Variants in UTRN observed in about 807,000 individuals in gnomAD.
UTRN encodes dystrophin-related protein 1.
UTRN carries 283 observed loss-of-function variants against 463.9 expected under a neutral mutation model. The observed-to-expected ratio is 0.61, with a 90% CI of 0.55 to 0.67. The LOEUF (loss-of-function observed/expected upper bound fraction) is 0.67, where lower values mean the gene tolerates loss of function less well. Ranked by LOEUF, UTRN falls within the 30% of genes least tolerant of loss-of-function variation. The probability of loss-of-function intolerance (pLI) is 0.00; values close to 1 mark genes in which losing one functional copy is unlikely to be tolerated. For synonymous variants in UTRN, 1,442 were observed against 1,431.5 expected (o/e 1.01, Z -0.17); for missense variants, 3,922 against 4,084.3 (o/e 0.96, Z 1.08).
At chr6:144,688,456 G>T (rs1782977010) in intron 52 of UTRN, among the ~76,000 whole-genome samples, 1 of 152,066 alleles carries the variant, frequency 6.6e-6, no homozygotes, top group African/African-American at 2.4e-5. Flanking sequence ...TGGTCATATT[G>T]CCAGAATTAT....
chr6:144,512,760 T>A (rs1341293820), intron 35 of UTRN, among the ~76,000 whole-genome samples: 4 of 152,060 alleles, frequency 2.6e-5, no homozygotes, highest in Non-Finnish European at 5.9e-5. Context: ...AGGCTGGTCT[T>A]GAATTCCTGA....
At chr6:144,602,691 AAAACAATCAC>A (rs755052741) in intron 51 of UTRN, among the ~76,000 whole-genome samples, 114 of 152,326 alleles carry the variant, frequency 7.5e-4, no homozygotes, top group Admixed American at 3.5e-3. Flanking sequence ...ATGCAATTCC[AAAACAATCAC>A]AAACAAGCAC....
intron 51 of UTRN, among the ~76,000 whole-genome samples, chr6:144,606,836 GT>G (rs1246725059): frequency 6.6e-6 from 1 of 152,168 alleles, no homozygotes; most frequent in Non-Finnish European, 1.5e-5. Flanking sequence ...ATTTAGTGAA[GT>G]GTAAGTCAAT....
intron 34 of UTRN, among the ~76,000 whole-genome samples, chr6:144,499,674 G>T (rs932466108): frequency 2.6e-5 from 4 of 152,048 alleles, no homozygotes; most frequent in Admixed American, 2.6e-4. Flanking sequence ...TGGATATATT[G>T]TGTAATGCTG....
intron 65 of UTRN, among the ~76,000 whole-genome samples, chr6:144,805,638 G>A (rs1778084182): frequency 6.6e-6 from 1 of 152,156 alleles, no homozygotes; most frequent in African/African-American, 2.4e-5. Flanking sequence ...AAACTGGGGG[G>A]CCCCTTGTTT....
At chr6:144,635,667 G>A (rs926135906) in intron 51 of UTRN, among the ~76,000 whole-genome samples, 1 of 150,794 alleles carries the variant, frequency 6.6e-6, no homozygotes, top group African/African-American at 2.4e-5. Context: ...AGCCTCCTGA[G>A]TAGCTGGGAC....
chr6:144,678,359 T>C (rs1330505523), intron 51 of UTRN, 47 bp from the exon 52 acceptor site: 2 of 1,570,134 alleles, frequency 1.3e-6, no homozygotes, highest in East Asian at 2.3e-5. Context: ...TATAAAGATA[T>C]ACTGATTCCT....
At chr6:144,510,386 C>G (rs1795071633) in intron 34 of UTRN, among the ~76,000 whole-genome samples, 1 of 152,196 alleles carries the variant, frequency 6.6e-6, no homozygotes, top group Non-Finnish European at 1.5e-5. Context: ...AGACTTGCTG[C>G]TCTCTTGTGA....
chr6:144,430,678 A>G (rs1431423309), intron 9 of UTRN, among the ~76,000 whole-genome samples: 2 of 152,256 alleles, frequency 1.3e-5, no homozygotes, highest in East Asian at 3.9e-4. Flanking sequence ...ACATTAATAA[A>G]CACTCAACAA....
intron 2 of UTRN, among the ~76,000 whole-genome samples, chr6:144,301,933 T>C (rs1805307042): frequency 6.6e-6 from 1 of 152,088 alleles, no homozygotes; most frequent in African/African-American, 2.4e-5. Flanking sequence ...CCCATGGTCC[T>C]TTTCTTACCT....
chr6:144,616,288 A>G (rs1212772220), intron 51 of UTRN, among the ~76,000 whole-genome samples: 1 of 152,218 alleles, frequency 6.6e-6, no homozygotes, highest in Non-Finnish European at 1.5e-5. Context: ...ATTATTGCTT[A>G]AGAACTACTT....
rs562246998 is a variant in UTRN, at chr6:144,757,930, G to A, written c.8436G>A (p.Thr2812=). 3.1e-5 allele frequency: 50 copies of A among 1,608,812 alleles called. No individual in the cohort carries two copies. Among genetic ancestry groups the A allele is most frequent in the African/African-American group, 8.0e-5 (6 of 74,734 alleles). The change falls in exon 58 of 75, where the codon ACG becomes ACA. Residue 2812 remains threonine (T), a splice_region_variant and synonymous_variant. Coordinates refer to ENST00000367545, the MANE Select transcript of UTRN (RefSeq NM_007124.3). The part of the protein sequence containing the change: ...FGPSSQHFLS[T]SVQLPWQRSI... ...AATAATCTCCCTTTGTTTCCTCAGC[G>A]TCAGTCCAGCTGCCGTGGCAAAGAT... is the stretch of plus-strand genomic sequence containing the variant.
chr6:144,473,244 G>A (rs1246288200), intron 23 of UTRN, among the ~76,000 whole-genome samples: 1 of 152,138 alleles, frequency 6.6e-6, no homozygotes, highest in African/African-American at 2.4e-5. Flanking sequence ...GAGCTGAACG[G>A]GGACTGTCTT....
At chr6:144,588,018 C>A (rs532034534) in intron 51 of UTRN, among the ~76,000 whole-genome samples, 2 of 152,122 alleles carry the variant, frequency 1.3e-5, no homozygotes, top group African/African-American at 4.8e-5. Context: ...CTCCATCTAA[C>A]CCTCTCTATG....
chr6:144,790,507 T>G (rs1397407423), intron 62 of UTRN, among the ~76,000 whole-genome samples: 1 of 152,238 alleles, frequency 6.6e-6, no homozygotes, highest in Non-Finnish European at 1.5e-5. Context: ...TTCTACATAG[T>G]TTGACAAGAA....
chr6:144,731,210 C>A (rs956911327), intron 54 of UTRN, among the ~76,000 whole-genome samples: 2 of 151,850 alleles, frequency 1.3e-5, no homozygotes, highest in Non-Finnish European at 2.9e-5. Flanking sequence ...TTAAAAATAA[C>A]CTGTAACATT....
chr6:144,312,930 G>A (rs757778235), intron 2 of UTRN, among the ~76,000 whole-genome samples: 2 of 152,188 alleles, frequency 1.3e-5, no homozygotes, highest in Non-Finnish European at 2.9e-5. Context: ...CTCCAGGGGT[G>A]TACCAAAGAA....
chr6:144,438,678 A>G lies in UTRN; in HGVS notation c.1242-67A>G. On this transcript the variant is annotated intron_variant, in intron 11 of 74. Transcript: ENST00000367545. ...CCCTTGCCCTGTATCTCCGGTGCCC[A>G]GAATGTATATTTGACTTTGCAAAGG... is the stretch of plus-strand genomic sequence containing the variant. The G allele has an allele frequency of 1.9e-6, 3 of 1,588,830 alleles. No homozygotes were observed. The African/African-American group carries it at 4.0e-5, about 21-fold the overall frequency.
intron 51 of UTRN, among the ~76,000 whole-genome samples, chr6:144,642,953 T>C (rs1369106515): frequency 2.6e-5 from 4 of 152,220 alleles, no homozygotes; most frequent in Non-Finnish European, 5.9e-5. Context: ...TTTTTATTTT[T>C]CCATGGAGTT....
Sources: allele counts gnomAD v4.1 joint callset (sites outside exome capture counted in the v4.1 genomes callset), GRCh38; gene constraint gnomAD v4.1.1; transcripts MANE v1.5; gene names NCBI Gene and HGNC (gene_info 2026-07-23, HGNC 2026-07-21).